PTPRD: variants seen among roughly 807,000 people sequenced by gnomAD.
PTPRD encodes the protein protein tyrosine phosphatase receptor type D, also known as receptor-type tyrosine-protein phosphatase delta.
PTPRD carries 34 observed loss-of-function variants against 214.5 expected under a neutral mutation model. That is an observed-to-expected ratio of 0.16 (90% CI 0.12 to 0.21). PTPRD has a LOEUF of 0.21. Among genes scored for constraint, PTPRD ranks in the 10% least tolerant of loss-of-function variants. The pLI is 1.00. For missense variants in PTPRD, 2,545 were observed against 2,398.7 expected (o/e 1.06, Z -1.27); for synonymous variants, 1,128 against 845.7 (o/e 1.33, Z -5.79).
At chr9:10,158,274 T>C (rs986762372) in intron 3 of PTPRD, among the ~76,000 whole-genome samples, 3 of 152,192 alleles carry the variant, frequency 2.0e-5, no homozygotes, top group Non-Finnish European at 2.9e-5. Flanking sequence ...CCTGAAGTTG[T>C]TGGGGTTACA....
At chr9:9,292,806 A>C (rs577085433) in intron 9 of PTPRD, among the ~76,000 whole-genome samples, 1 of 151,486 alleles carries the variant, frequency 6.6e-6, no homozygotes, top group South Asian at 2.1e-4. Flanking sequence ...CTGATCAGGC[A>C]TTATATAGAA....
intron 3 of PTPRD, among the ~76,000 whole-genome samples, chr9:10,077,593 C>T (rs185891155): frequency 1.4e-3 from 208 of 152,130 alleles, no homozygotes; most frequent in Middle Eastern, 3.4e-3. Flanking sequence ...TTTTGCTATC[C>T]AGGTAATAAG....
At chr9:9,718,798 T>C (rs1193248113) in intron 7 of PTPRD, among the ~76,000 whole-genome samples, 3 of 152,126 alleles carry the variant, frequency 2.0e-5, no homozygotes, top group Admixed American at 2.0e-4. Context: ...GGCTAAAACT[T>C]TGGGTGCCAA....
Position 8,636,727 on chromosome 9 carries a change from C to G in PTPRD, c.182G>C (p.Gly61Ala), listed in dbSNP as rs724159852. 9 of 1,613,914 alleles carry G rather than the reference C, an allele frequency of 5.6e-6. No homozygotes were observed. Among genetic ancestry groups the G allele is most frequent in the Non-Finnish European group, 5.9e-6 (7 of 1,179,950 alleles). ...PRPKIVWNKK[G>A]KKVSNQRFEV... ...AAATCTCTGATTGCTGACTTTCTTT[C>G]CTTTTTTGTTCCAGACAATTTTAGG... The change falls in exon 13 of 46, where the codon GGA (glycine) becomes GCA (alanine). Residue 61 changes from glycine (G) to alanine (A), a missense_variant. Coordinates refer to ENST00000381196, the MANE Select transcript of PTPRD (RefSeq NM_002839.4).
At chr9:8,325,159 T>C (rs1023230482) in intron 44 of PTPRD, among the ~76,000 whole-genome samples, 1 of 150,138 alleles carries the variant, frequency 6.7e-6, no homozygotes, top group Non-Finnish European at 1.5e-5. Flanking sequence ...GTTTTAGTCC[T>C]GAAGTCTTTG....
chr9:8,931,645 C>A (rs2098953372), intron 11 of PTPRD, among the ~76,000 whole-genome samples: 2 of 151,936 alleles, frequency 1.3e-5, no homozygotes, highest in African/African-American at 4.8e-5. Context: ...CATTGAGCAG[C>A]CAGGTTTACG....
chr9:10,467,472 A>C (rs1289670520), intron 2 of PTPRD, among the ~76,000 whole-genome samples: 1 of 152,154 alleles, frequency 6.6e-6, no homozygotes, highest in Non-Finnish European at 1.5e-5. Context: ...CATATTACTA[A>C]AACTCAAAAT....
chr9:9,560,879 T>G (rs2082747324), intron 8 of PTPRD, among the ~76,000 whole-genome samples: 1 of 152,114 alleles, frequency 6.6e-6, no homozygotes, highest in African/African-American at 2.4e-5. Flanking sequence ...GGTTCTCCCT[T>G]GCCTTCATGG....
chr9:9,371,963 C>T (rs1301430539), intron 9 of PTPRD, among the ~76,000 whole-genome samples: 1 of 152,174 alleles, frequency 6.6e-6, no homozygotes, highest in Non-Finnish European at 1.5e-5. Flanking sequence ...TTTGATTGCA[C>T]TGTGGTCTGA....
intron 11 of PTPRD, among the ~76,000 whole-genome samples, chr9:8,968,417 T>G (rs12353338): frequency 6.6e-6 from 1 of 151,098 alleles, no homozygotes; most frequent in South Asian, 2.1e-4. Flanking sequence ...CCAGCACCTG[T>G]TGTTTCCTGA....
intron 6 of PTPRD, among the ~76,000 whole-genome samples, chr9:9,751,388 A>C (rs2098517742): frequency 6.6e-6 from 1 of 152,100 alleles, no homozygotes; most frequent in Non-Finnish European, 1.5e-5. Context: ...AAATTAATGC[A>C]ACATTAGAAC....
intron 11 of PTPRD, among the ~76,000 whole-genome samples, chr9:8,960,063 G>C (rs1000598942): frequency 6.6e-6 from 1 of 151,966 alleles, no homozygotes; most frequent in Non-Finnish European, 1.5e-5. Flanking sequence ...CATGCTTTCA[G>C]AAATTAGATG....
chr9:9,917,347 G>T (rs1293355226), intron 5 of PTPRD, among the ~76,000 whole-genome samples: 1 of 28,106 alleles, frequency 3.6e-5, no homozygotes, highest in South Asian at 1.0e-3. Flanking sequence ...AATAAAATCA[G>T]AAATAAAATC....
At chr9:10,464,462 G>T (rs1402810630) in intron 2 of PTPRD, among the ~76,000 whole-genome samples, 1 of 149,640 alleles carries the variant, frequency 6.7e-6, no homozygotes, top group African/African-American at 2.4e-5. Flanking sequence ...GAGGAGAGGA[G>T]AAAGGGAGGA....
At chr9:10,111,807 T>C (rs539752721) in intron 3 of PTPRD, among the ~76,000 whole-genome samples, 32 of 152,346 alleles carry the variant, frequency 2.1e-4, no homozygotes, top group East Asian at 1.7e-3. Context: ...AGCTCTGTGA[T>C]GGCAGACACA....
At chr9:9,679,232 C>G (rs769603080) in intron 7 of PTPRD, among the ~76,000 whole-genome samples, 64 of 151,482 alleles carry the variant, frequency 4.2e-4, no homozygotes, top group Non-Finnish European at 6.6e-4. Flanking sequence ...CTCTCTCTCT[C>G]TTTCTCTCTC....
chr9:9,733,931 T>TG lies in PTPRD; in HGVS notation c.-287+601dup, dbSNP rs1245617275. The stretch of plus-strand genomic sequence containing the variant: ...CAAACATGAATACAAAGCTGCTGTT[T>TG]GGAAAAATACACAACTTCACAGAAA... On this transcript the variant is annotated intron_variant, in intron 7 of 45. Coordinates refer to ENST00000381196, the MANE Select transcript of PTPRD (RefSeq NM_002839.4). 2.0e-5 allele frequency among the ~76,000 whole-genome samples: 3 copies of TG among 152,306 alleles called. No individual in the cohort carries two copies. The East Asian group carries it at 5.8e-4, about 29-fold the overall frequency.
chr9:10,370,923 G>A (rs149025384), intron 2 of PTPRD, among the ~76,000 whole-genome samples: 2 of 151,838 alleles, frequency 1.3e-5, no homozygotes, highest in African/African-American at 4.8e-5. Context: ...TTAAACATGT[G>A]ATCTTTGCCT....
At chr9:9,350,332 A>T (rs1286409808) in intron 9 of PTPRD, among the ~76,000 whole-genome samples, 1 of 152,032 alleles carries the variant, frequency 6.6e-6, no homozygotes, top group Non-Finnish European at 1.5e-5. Flanking sequence ...TGTGATATGG[A>T]TTTCTGCATA....
Sources: gnomAD v4.1 joint callset for allele counts (sites outside exome capture counted in the v4.1 genomes callset) on GRCh38, gnomAD v4.1.1 for gene constraint, MANE v1.5 for transcripts, NCBI Gene and HGNC (gene_info 2026-07-23, HGNC 2026-07-21) for gene names.